The following UNC93A variants were observed in gnomAD, a reference collection of about 807,000 sequenced individuals.
The protein encoded by UNC93A is N-acetylglucosamine transporter UNC93A.
A neutral mutation model predicts 47.5 loss-of-function variants in UNC93A; 43 were observed. That is an observed-to-expected ratio of 0.91 (90% CI 0.71 to 1.17). The LOEUF (loss-of-function observed/expected upper bound fraction) is 1.17, where lower values mean the gene tolerates loss of function less well. Ranked by LOEUF, UNC93A falls within the 50% of genes most tolerant of loss-of-function variation. UNC93A has a pLI of 0.00. For missense variants in UNC93A, 605 were observed against 577.6 expected (o/e 1.05, Z -0.49); for synonymous variants, 280 against 258.0 (o/e 1.09, Z -0.82).
At chr6:167,278,490 C>T (rs1038251877) in intron 1 of UNC93A, among the ~76,000 whole-genome samples, 1 of 152,212 alleles carries the variant, frequency 6.6e-6, no homozygotes, top group Non-Finnish European at 1.5e-5. Context: ...GGCCTGCCCT[C>T]ACCTGACAAT....
In UNC93A at chr6:167,291,466, T is replaced by C; in HGVS notation, c.-24T>C. On this transcript the variant is annotated 5_prime_UTR_variant, in exon 1 of 8. Coordinates refer to ENST00000230256, the MANE Select transcript of UNC93A (RefSeq NM_018974.4). ...AGCTACAAATTTACGTGTTCACTGG[T>C]GATTGATCTTTTCATCCAGCACAAT... 1 of 1,604,302 alleles carries C rather than the reference T, an allele frequency of 6.2e-7. No homozygotes were observed. The highest frequency in any genetic ancestry group is 2.2e-5 in the East Asian group (1 of 44,808).
Position 167,296,082 on chromosome 6 carries a change from T to A in UNC93A, c.320T>A (p.Leu107Gln), listed in dbSNP as rs549564054. 2.5e-6 allele frequency: 4 copies of A among 1,614,240 alleles called. No individual in the cohort carries two copies. The South Asian group carries it at 3.3e-5, about 13-fold the overall frequency. ...CTGCTGGGACTCGGGGCCGCCCCGC[T>A]GTGGTCTGCACAGTGCACATACCTC... is the stretch of plus-strand genomic sequence containing the variant. ...SILLGLGAAPLWSAQCTYLTI... is the reference protein window; with the variant it reads ...SILLGLGAAPQWSAQCTYLTI... Residue 107 changes from leucine to glutamine, a missense_variant, in exon 3 of 8, where the codon CTG becomes CAG. Coordinates refer to ENST00000230256, the MANE Select transcript of UNC93A (RefSeq NM_018974.4).
Position 167,305,964 on chromosome 6 carries a change from T to C in UNC93A, c.890T>C (p.Ile297Thr), listed in dbSNP as rs1288165455. The change falls in exon 6 of 8, where the codon ATC (isoleucine) becomes ACC (threonine). Residue 297 changes from isoleucine (I) to threonine (T), a missense_variant. Transcript: ENST00000230256. ...ATCCAGTTCGTCGGCTACGTGATGATCTGCTTCTCGGCCACTGACGCGCTG... is the reference window on the plus strand; with the variant it reads ...ATCCAGTTCGTCGGCTACGTGATGACCTGCTTCTCGGCCACTGACGCGCTG... ...LGIQFVGYVM[I>T]CFSATDALCS... is the part of the protein sequence containing the mutation. 6.2e-7 allele frequency: 1 copy of C among 1,614,192 alleles called. No homozygotes were observed. Among genetic ancestry groups the C allele is most frequent in the African/African-American group, 1.3e-5 (1 of 75,038 alleles).
upstream of UNC93A, among the ~76,000 whole-genome samples, chr6:167,287,089 C>G (rs1783749677): frequency 6.6e-6 from 1 of 152,028 alleles, no homozygotes; most frequent in Admixed American, 6.5e-5. Context: ...AATCACAGCC[C>G]GGCTTCCTCG....
At chr6:167,288,520 T>G (rs1353086961), upstream of UNC93A, among the ~76,000 whole-genome samples, 3 of 151,674 alleles carry the variant, frequency 2.0e-5, no homozygotes, top group Non-Finnish European at 4.4e-5. Context: ...AAGTGTGAAA[T>G]TCCCTAAAGT....
intron 7 of UNC93A, among the ~76,000 whole-genome samples, chr6:167,313,065 T>G (rs1252791547): frequency 6.6e-6 from 1 of 152,204 alleles, no homozygotes; most frequent in Non-Finnish European, 1.5e-5. Flanking sequence ...TGGACCCTGC[T>G]TCTGTGGGTA....
At chr6:167,270,194 C>G (rs1236906988), upstream of UNC93A, among the ~76,000 whole-genome samples, 1 of 152,100 alleles carries the variant, frequency 6.6e-6, no homozygotes, top group Non-Finnish European at 1.5e-5. Flanking sequence ...TCAAAGTCAC[C>G]TAATCATTTT....
chr6:167,276,193 T>C (rs1300148220), intron 1 of UNC93A, among the ~76,000 whole-genome samples: 21 of 152,142 alleles, frequency 1.4e-4, no homozygotes, highest in Admixed American at 1.4e-3. Flanking sequence ...GTTTTATTCC[T>C]TTTTATGGCT....
upstream of UNC93A, among the ~76,000 whole-genome samples, chr6:167,270,007 A>G: frequency 7.8e-6 from 1 of 127,400 alleles, no homozygotes; most frequent in South Asian, 2.7e-4. Flanking sequence ...CCTGGTAGAA[A>G]GCTGAGAAGT....
At chr6:167,299,871 T>G (rs555936847) in intron 4 of UNC93A, among the ~76,000 whole-genome samples, 1 of 151,998 alleles carries the variant, frequency 6.6e-6, no homozygotes, top group African/African-American at 2.4e-5. Context: ...TGCCAAAGGG[T>G]CTGGACGAGT....
intron 3 of UNC93A, among the ~76,000 whole-genome samples, 175 bp from the exon 4 acceptor site, chr6:167,297,770 G>A (rs1006765685): frequency 6.6e-6 from 1 of 152,128 alleles, no homozygotes; most frequent in South Asian, 2.1e-4. Flanking sequence ...CTAGGGACAT[G>A]TGCCTAGACT....
upstream of UNC93A, among the ~76,000 whole-genome samples, chr6:167,287,799 G>C (rs968005085): frequency 5.9e-5 from 9 of 152,052 alleles, no homozygotes; most frequent in Non-Finnish European, 1.2e-4. Context: ...GGACCTACAC[G>C]ATCCCCCTGA....
intron 4 of UNC93A, among the ~76,000 whole-genome samples, chr6:167,303,541 A>C (rs983860513): frequency 6.6e-6 from 1 of 152,166 alleles, no homozygotes; most frequent in Non-Finnish European, 1.5e-5. Flanking sequence ...CTAAAAAAAA[A>C]ATCAATAAAA....
upstream of UNC93A, among the ~76,000 whole-genome samples, chr6:167,289,511 G>T (rs1010599784): frequency 6.6e-6 from 1 of 152,206 alleles, no homozygotes; most frequent in Admixed American, 6.5e-5. Flanking sequence ...TAGTAGAAGT[G>T]CTGGAGGGAC....
In UNC93A at chr6:167,307,910, G is replaced by A; in HGVS notation, c.1108G>A (p.Ala370Thr). The change falls in exon 7 of 8, where the codon GCT becomes ACT. Residue 370 changes from alanine (A) to threonine (T), a missense_variant and splice_region_variant. Ala to Thr is a moderately conservative substitution (Grantham distance 58). Coordinates refer to ENST00000230256, the MANE Select transcript of UNC93A (RefSeq NM_018974.4). ...ADAVWQTQNN[A>T]LYGVLFEKSK... Reference sequence around the variant, plus strand: ...TGCCGTCTGGCAGACACAAAACAATGGTGAGTCCCCAGCCCAGGCCCCTTC... The same window carrying A: ...TGCCGTCTGGCAGACACAAAACAATAGTGAGTCCCCAGCCCAGGCCCCTTC... 1 of 1,613,460 alleles carries A rather than the reference G, an allele frequency of 6.2e-7. No homozygotes were observed. The highest frequency in any genetic ancestry group is 8.5e-7 in the Non-Finnish European group (1 of 1,179,664).
At chr6:167,298,822 T>A (rs2003657) in intron 4 of UNC93A, among the ~76,000 whole-genome samples, 43,293 of 150,602 alleles carry the variant, frequency 0.29, 7,810 homozygotes, top group African/African-American at 0.52. Flanking sequence ...ATTTAAATAT[T>A]TTTTTTTTTG....
chr6:167,281,811 A>G (rs533069728), intron 1 of UNC93A, among the ~76,000 whole-genome samples: 6 of 152,210 alleles, frequency 3.9e-5, no homozygotes, highest in Non-Finnish European at 7.3e-5. Context: ...AGCAGTGCCC[A>G]CATCTGCAGG....
At chr6:167,300,544 C>T (rs189670428) in intron 4 of UNC93A, among the ~76,000 whole-genome samples, 31 of 152,174 alleles carry the variant, frequency 2.0e-4, no homozygotes, top group South Asian at 1.2e-3. Context: ...GGAGGGTGCT[C>T]GTGTGCAAGG....
At chr6:167,269,904 T>C (rs1757120), upstream of UNC93A, among the ~76,000 whole-genome samples, 38,776 of 151,996 alleles carry the variant, frequency 0.26, 5,570 homozygotes, top group African/African-American at 0.38. Flanking sequence ...CGTGAGCCAC[T>C]GGGCCCGGCC....
Sources: allele counts gnomAD v4.1 joint callset (sites outside exome capture counted in the v4.1 genomes callset), GRCh38; gene constraint gnomAD v4.1.1; transcripts MANE v1.5; gene names NCBI Gene and HGNC (gene_info 2026-07-23, HGNC 2026-07-21).